ADARB2: variants seen among roughly 807,000 people sequenced by gnomAD.
ADARB2 encodes the protein inactive double-stranded RNA-specific editase B2.
Under a neutral mutation model 62.2 loss-of-function variants are expected in ADARB2, and 25 were observed. The ratio of observed to expected loss-of-function variants is 0.40; its 90% confidence interval spans 0.29 to 0.56. The LOEUF (loss-of-function observed/expected upper bound fraction) is 0.56. ADARB2 is among the 20% of genes least tolerant of loss of function. ADARB2 has a pLI of 0.43. For synonymous variants in ADARB2, 572 were observed against 500.8 expected, an observed-to-expected ratio of 1.14 and a Z score of -1.90; for missense variants, 1,071 against 1,077.4, an observed-to-expected ratio of 0.99 and a Z score of 0.08.
chr10:1,723,316 C>A (rs1181587556), intron 1 of ADARB2, among the ~76,000 whole-genome samples: 1 of 152,216 alleles, frequency 6.6e-6, no homozygotes, highest in African/African-American at 2.4e-5. Context: ...CCTCTGGGGA[C>A]CTGAGCTCTC....
intron 1 of ADARB2, among the ~76,000 whole-genome samples, chr10:1,450,476 C>T (rs554271356): frequency 1.1e-4 from 16 of 152,298 alleles, no homozygotes; most frequent in Admixed American, 7.2e-4. Flanking sequence ...GTCGGATGCC[C>T]GGATGGTGCC....
rs764457498 is a variant in ADARB2, at chr10:1,737,015, A to AG, written c.100+35dup. 6.2e-6 allele frequency: 10 copies of AG among 1,602,768 alleles called. No individual in the cohort carries two copies. The East Asian group carries it at 1.6e-4, about 25-fold the overall frequency. ...GCCGGGGTGGAGAAGCCGGGGGTGA[A>AG]GGGGGGCAGGGGCCGGCGCGCCACG... On this transcript the variant is annotated intron_variant, in intron 1 of 9. Coordinates refer to ENST00000381312, the MANE Select transcript of ADARB2 (RefSeq NM_018702.4).
rs181553569 is a variant in ADARB2 at position 1,343,851 on chromosome 10, A to G, written c.1077+19177T>C. ...ACCTATGGCCACAAATGGGGGAGCA[A>G]CAGATACTGGGAACTACTTGAGGGT... On this transcript the variant is annotated intron_variant, in intron 3 of 9. Transcript: ENST00000381312. 1.4e-3 allele frequency among the ~76,000 whole-genome samples: 206 copies of G among 152,288 alleles called. 4 individuals carry two copies. Among genetic ancestry groups the G allele is most frequent in the Non-Finnish European group, 3.4e-4 (23 of 68,008 alleles).
intron 2 of ADARB2, among the ~76,000 whole-genome samples, chr10:1,377,530 GGT>G (rs1832445102): frequency 6.6e-6 from 1 of 151,746 alleles, no homozygotes; most frequent in South Asian, 2.1e-4. Flanking sequence ...GTGCTCCTGG[GGT>G]GTGTGTGCAC....
intron 1 of ADARB2, among the ~76,000 whole-genome samples, chr10:1,698,961 A>G (rs912581898): frequency 1.3e-5 from 2 of 152,140 alleles, no homozygotes; most frequent in Non-Finnish European, 2.9e-5. Flanking sequence ...GGGTTTCGCC[A>G]TGTTGGCCAG....
intron 3 of ADARB2, among the ~76,000 whole-genome samples, chr10:1,315,099 G>A (rs993029719): frequency 2.0e-5 from 3 of 152,164 alleles, no homozygotes; most frequent in Admixed American, 6.5e-5. Context: ...TCTCCCCACC[G>A]AGTCTCTCTG....
chr10:1,349,495 T>C (rs992083657), intron 3 of ADARB2, among the ~76,000 whole-genome samples: 2 of 152,284 alleles, frequency 1.3e-5, no homozygotes, highest in African/African-American at 4.8e-5. Flanking sequence ...CTTTGCTCTG[T>C]GAGAAAGATC....
At position 1,179,648 on chromosome 10, in the gene ADARB2, A is replaced by C. The variant is rs1836638282; in HGVS notation, c.*3545T>G. ...TTGCTGATCTTCCTGATGGGAAAGC[A>C]GTGTGTGTTTTGGAGGCAGATAAAG... On this transcript the variant is annotated 3_prime_UTR_variant, in exon 10 of 10. Coordinates refer to ENST00000381312, the MANE Select transcript of ADARB2 (RefSeq NM_018702.4). 1 of 152,226 alleles carries C rather than the reference A, an allele frequency of 6.6e-6. No individual in the cohort carries two copies. Among genetic ancestry groups the C allele is most frequent in the South Asian group, 2.1e-4 (1 of 4,832 alleles). The allele number at this position is 152,226 out of a possible 1,614,324, so 9.4% of individuals were successfully genotyped here.
At chr10:1,644,948 G>A (rs201484893) in intron 1 of ADARB2, among the ~76,000 whole-genome samples, 4 of 152,168 alleles carry the variant, frequency 2.6e-5, no homozygotes, top group African/African-American at 9.7e-5. Flanking sequence ...TGCGTGTCAC[G>A]CCTATACAAA....
chr10:1,341,614 T>A (rs1454518972), intron 3 of ADARB2, among the ~76,000 whole-genome samples: 2 of 150,826 alleles, frequency 1.3e-5, no homozygotes, highest in Non-Finnish European at 2.9e-5. Context: ...ACAGCGGCAA[T>A]AACCAGCATC....
chr10:1,253,213 T>G (rs1422238596), intron 4 of ADARB2, among the ~76,000 whole-genome samples: 6 of 152,260 alleles, frequency 3.9e-5, no homozygotes, highest in Non-Finnish European at 8.8e-5. Flanking sequence ...GATACATATA[T>G]TTCTGTTCTC....
At chr10:1,420,819 C>A (rs1445122766) in intron 1 of ADARB2, among the ~76,000 whole-genome samples, 2 of 152,110 alleles carry the variant, frequency 1.3e-5, no homozygotes, top group African/African-American at 2.4e-5. Flanking sequence ...ATTAGAGCCC[C>A]GTCCTGAAAG....
In ADARB2 at chr10:1,363,496, G is replaced by T; in HGVS notation, c.609C>A (p.Gly203=). The T allele has an allele frequency of 6.6e-7, 1 of 1,515,672 alleles. No individual in the cohort carries two copies. 93.9% of individuals were successfully genotyped at this position (1,515,672 alleles called of 1,614,324 possible). Residue 203 remains glycine, a synonymous_variant, in exon 3 of 10, where the codon GGC becomes GGA. Coordinates refer to ENST00000381312, the MANE Select transcript of ADARB2 (RefSeq NM_018702.4). ...AGTCCGTGCCGGGGCCCGGGCCCCC[G>T]CCCATGGCCAGGTGCGCCTGGCAGG... ...PNACQAHLAM[G]GGPGPGTDFT... is the part of the protein sequence containing the mutation.
rs1300676744 is a variant in ADARB2, at chr10:1,477,087, G to A, written c.101-97927C>T. On this transcript the variant is annotated intron_variant, in intron 1 of 9. Coordinates refer to ENST00000381312, the MANE Select transcript of ADARB2 (RefSeq NM_018702.4). This position sits in a 1 kb window ranked among gnomAD's most constrained non-coding sequence, Gnocchi z 4.5. ...AGAGCACCTTCACAGCCACGCAAGG[G>A]CACCCTCCCACTGCGCAGCACTGCC... Among the ~76,000 whole-genome samples, 8 of 152,102 alleles carry A rather than the reference G, an allele frequency of 5.3e-5. No homozygotes were observed. The highest frequency in any genetic ancestry group is 1.9e-4 in the African/African-American group (8 of 41,396).
chr10:1,670,553 C>G (rs1472558064), intron 1 of ADARB2, among the ~76,000 whole-genome samples: 4 of 152,260 alleles, frequency 2.6e-5, no homozygotes, highest in Non-Finnish European at 5.9e-5. Flanking sequence ...GCAGCCACCC[C>G]TCTCCCAGTG....
At chr10:1,520,785 G>A (rs1048553021) in intron 1 of ADARB2, among the ~76,000 whole-genome samples, 1 of 152,146 alleles carries the variant, frequency 6.6e-6, no homozygotes, top group Admixed American at 6.5e-5. Context: ...CATTTCCTGG[G>A]TGGTGGGCAC....
chr10:1,188,209 G>C (rs1031266336), intron 8 of ADARB2: 4 of 152,260 alleles, frequency 2.6e-5, no homozygotes, highest in African/African-American at 9.7e-5. Flanking sequence ...ATCAAACCAG[G>C]CAAATAAGAG....
At chr10:1,250,425 A>G (rs1041679551) in intron 4 of ADARB2, among the ~76,000 whole-genome samples, 2 of 152,100 alleles carry the variant, frequency 1.3e-5, no homozygotes, top group East Asian at 3.9e-4. Flanking sequence ...TTAGTCTTCA[A>G]GGAAATGGGT....
intron 6 of ADARB2, among the ~76,000 whole-genome samples, chr10:1,233,382 C>G (rs1830828140): frequency 6.6e-6 from 1 of 152,206 alleles, no homozygotes; most frequent in African/African-American, 2.4e-5. Flanking sequence ...GCGTAACTCT[C>G]ACTGGCCTTC....
Sources: allele counts gnomAD v4.1 joint callset (sites outside exome capture counted in the v4.1 genomes callset), GRCh38; gene constraint gnomAD v4.1.1; non-coding constraint Gnocchi (gnomAD v3.1); transcripts MANE v1.5; gene names NCBI Gene and HGNC (gene_info 2026-07-23, HGNC 2026-07-21).